The following DLG2 variants were observed in gnomAD, a reference collection of about 807,000 sequenced individuals.
DLG2 encodes disks large homolog 2.
DLG2 carries 45 observed loss-of-function variants against 132.5 expected under a neutral mutation model. The observed-to-expected ratio is 0.34, with a 90% confidence interval of 0.27 to 0.44. The LOEUF (loss-of-function observed/expected upper bound fraction) is 0.44, where lower values mean the gene tolerates loss of function less well. DLG2 is among the 20% of genes least tolerant of loss of function. DLG2 has a pLI of 1.00. For missense variants in DLG2, 1,045 were observed against 1,196.9 expected, an observed-to-expected ratio of 0.87 and a Z score of 1.87; for synonymous variants, 424 against 419.6, an observed-to-expected ratio of 1.01 and a Z score of -0.13.
intron 18 of DLG2, among the ~76,000 whole-genome samples, chr11:83,736,253 T>C (rs1275072125): frequency 6.6e-6 from 1 of 152,228 alleles, no homozygotes; most frequent in African/African-American, 2.4e-5. Context: ...ATTGGTCATG[T>C]GTCCCTGAGC....
intron 6 of DLG2, among the ~76,000 whole-genome samples, chr11:84,773,095 G>C (rs1283787929): frequency 6.6e-6 from 1 of 151,946 alleles, no homozygotes; most frequent in Admixed American, 6.6e-5. Flanking sequence ...CTAAAAAAGT[G>C]CTATTACAAC....
intron 9 of DLG2, among the ~76,000 whole-genome samples, chr11:84,160,441 G>T (rs1488263723): frequency 6.6e-6 from 1 of 152,104 alleles, no homozygotes; most frequent in Non-Finnish European, 1.5e-5. Context: ...TAATGACTTT[G>T]ATATAAATGG....
chr11:85,394,550 T>C (rs1295955338), intron 3 of DLG2, among the ~76,000 whole-genome samples: 1 of 152,226 alleles, frequency 6.6e-6, no homozygotes, highest in Non-Finnish European at 1.5e-5. Context: ...ATCTCTGATT[T>C]AGCACTAAAG....
At chr11:85,186,249 A>G (rs1158142467) in intron 4 of DLG2, among the ~76,000 whole-genome samples, 1 of 152,084 alleles carries the variant, frequency 6.6e-6, no homozygotes, top group East Asian at 1.9e-4. Context: ...TAATTTAAAT[A>G]ATATATTTCA....
chr11:83,599,573 CCTTT>C (rs1164172314), intron 19 of DLG2, among the ~76,000 whole-genome samples: 1 of 152,164 alleles, frequency 6.6e-6, no homozygotes, highest in Non-Finnish European at 1.5e-5. Context: ...ACCACTTACC[CCTTT>C]CTTTGTGACA....
intron 9 of DLG2, among the ~76,000 whole-genome samples, chr11:84,122,893 TAAG>T (rs2093996050): frequency 6.6e-6 from 1 of 152,040 alleles, no homozygotes; most frequent in African/African-American, 2.4e-5. Context: ...TTATTCTACC[TAAG>T]AAGAGGGGAA....
At chr11:84,381,627 G>A (rs1333972649) in intron 7 of DLG2, among the ~76,000 whole-genome samples, 2 of 152,130 alleles carry the variant, frequency 1.3e-5, no homozygotes, top group Non-Finnish European at 2.9e-5. Context: ...GATAAAATAT[G>A]TAAAACATCT....
intron 7 of DLG2, among the ~76,000 whole-genome samples, chr11:84,517,476 A>G (rs2099277325): frequency 6.6e-6 from 1 of 152,024 alleles, no homozygotes; most frequent in Non-Finnish European, 1.5e-5. Flanking sequence ...AATGGCTATC[A>G]TCAAAAAGAC....
At chr11:83,900,630 T>C (rs375944837) in intron 15 of DLG2, among the ~76,000 whole-genome samples, 1 of 152,202 alleles carries the variant, frequency 6.6e-6, no homozygotes, top group African/African-American at 2.4e-5. Context: ...AGGTCAAGAA[T>C]TGAGGATTTG....
At chr11:85,351,013 G>T (rs552262860) in intron 3 of DLG2, among the ~76,000 whole-genome samples, 1 of 152,178 alleles carries the variant, frequency 6.6e-6, no homozygotes, top group Non-Finnish European at 1.5e-5. Context: ...ATGGCCATTT[G>T]CATGATATTG....
intron 3 of DLG2, among the ~76,000 whole-genome samples, chr11:85,445,522 T>A (rs1044064782): frequency 1.3e-5 from 2 of 151,940 alleles, no homozygotes; most frequent in African/African-American, 4.8e-5. Flanking sequence ...TACTGAAAAA[T>A]GCAAAAAATT....
At chr11:84,451,258 C>T (rs572845664) in intron 7 of DLG2, among the ~76,000 whole-genome samples, 5 of 151,880 alleles carry the variant, frequency 3.3e-5, no homozygotes, top group South Asian at 4.1e-4. Flanking sequence ...TCTAAACTTT[C>T]GTTAAATTAA....
At chr11:84,267,860 G>T (rs2097663355) in intron 7 of DLG2, among the ~76,000 whole-genome samples, 1 of 152,202 alleles carries the variant, frequency 6.6e-6, no homozygotes, top group African/African-American at 2.4e-5. Context: ...GCCACACATA[G>T]CAGGGACAAT....
At chr11:84,360,269 A>G (rs896546726) in intron 7 of DLG2, among the ~76,000 whole-genome samples, 8 of 151,880 alleles carry the variant, frequency 5.3e-5, no homozygotes, top group African/African-American at 1.9e-4. Context: ...AAGGCTTGAA[A>G]AGTAAAGGTT....
At chr11:84,458,593 T>G (rs2099071756) in intron 7 of DLG2, among the ~76,000 whole-genome samples, 1 of 150,914 alleles carries the variant, frequency 6.6e-6, no homozygotes, top group South Asian at 2.1e-4. Flanking sequence ...TGAATTGATC[T>G]GTTAAGAGCT....
chr11:84,655,506 C>CA lies in DLG2; in HGVS notation c.358-120776dup, dbSNP rs566373978. On this transcript the variant is annotated intron_variant, in intron 6 of 27. Coordinates refer to ENST00000376104, the MANE Select transcript of DLG2 (RefSeq NM_001142699.3). ...TGGGCTACACCATCTATTTCTTAAG[C>CA]AAAAAAAATACTAAGTCACAGAGAA... Among the ~76,000 whole-genome samples the CA allele has an allele frequency of 2.6e-5, 4 of 150,974 alleles. No homozygotes were observed. In the East Asian group the frequency reaches 5.8e-4, roughly 22 times the overall value.
chr11:83,626,172 A>C (rs961492319), intron 19 of DLG2, among the ~76,000 whole-genome samples: 2 of 152,182 alleles, frequency 1.3e-5, no homozygotes, highest in African/African-American at 4.8e-5. Context: ...CACTATCTTA[A>C]CAGGTGAGTT....
chr11:85,151,058 A>AC (rs2077217132), intron 5 of DLG2, among the ~76,000 whole-genome samples: 1 of 152,168 alleles, frequency 6.6e-6, no homozygotes, highest in East Asian at 1.9e-4. Context: ...GACAGCAGGC[A>AC]TCCTAATGGG....
chr11:83,902,934 C>A (rs924932589), intron 15 of DLG2, among the ~76,000 whole-genome samples: 4 of 152,140 alleles, frequency 2.6e-5, no homozygotes, highest in Non-Finnish European at 5.9e-5. Context: ...TTCTTACGTT[C>A]TCAGTCAGGA....
Sources: gnomAD v4.1 joint callset for allele counts (sites outside exome capture counted in the v4.1 genomes callset) on GRCh38, gnomAD v4.1.1 for gene constraint, MANE v1.5 for transcripts, NCBI Gene and HGNC (gene_info 2026-07-23, HGNC 2026-07-21) for gene names.